Variants in NCOR2 observed in about 807,000 individuals in gnomAD.
The protein encoded by NCOR2 is CTG repeat protein 26.
In NCOR2, 81 loss-of-function variants were observed where a neutral mutation model predicts 262.9. The ratio of observed to expected loss-of-function variants is 0.31; its 90% confidence interval spans 0.26 to 0.37. The LOEUF (loss-of-function observed/expected upper bound fraction) is 0.37. Among genes scored for constraint, NCOR2 ranks in the 10% least tolerant of loss-of-function variants. NCOR2 has a pLI of 1.00. For synonymous variants in NCOR2, 1,659 were observed against 1,559.3 expected, an observed-to-expected ratio of 1.06 and a Z score of -1.51; for missense variants, 3,385 against 3,621.4, an observed-to-expected ratio of 0.93 and a Z score of 1.68.
rs1299958737 is a variant in NCOR2, at chr12:124,420,927, GCCAGGGGGGCTC to G, written c.1384-884_1384-873del. Reference sequence around the variant, plus strand: ...TGGCAGCCTCCTGCCAAGTACGACCGCCAGGGGGGCTCCCAGGCGGCCCCAGGCTAAACCCAG... The same window carrying G: ...TGGCAGCCTCCTGCCAAGTACGACCGCCAGGCGGCCCCAGGCTAAACCCAG... On this transcript the variant is annotated intron_variant, in intron 12 of 46. Coordinates refer to ENST00000405201, the Ensembl canonical transcript of NCOR2. Among the ~76,000 whole-genome samples the G allele has an allele frequency of 3.3e-5, 5 of 152,198 alleles. No individual in the cohort carries two copies. In the East Asian group the frequency reaches 9.6e-4, roughly 29 times the overall value.
chr12:124,539,000 C>T (rs942721183), upstream of NCOR2: 1 of 151,982 alleles, frequency 6.6e-6, no homozygotes, highest in Admixed American at 6.6e-5. Context: ...GGACCAAGTG[C>T]TTGGGCCATG....
In NCOR2 at chr12:124,517,834, C is replaced by T. The variant is rs2049912650; in HGVS notation, c.-118+17731G>A. 2.0e-5 allele frequency among the ~76,000 whole-genome samples: 3 copies of T among 152,220 alleles called. No individual in the cohort carries two copies. The highest frequency in any genetic ancestry group is 4.1e-4 in the South Asian group (2 of 4,832). On this transcript the variant is annotated intron_variant, in intron 1 of 46. Transcript: ENST00000404621. The surrounding 1 kb of genome is among the most constrained non-coding windows in gnomAD (Gnocchi z 7.6). ...TTTCCGTGACTGCAGCAACTTCGTC[C>T]GATGAGACAGCCCTGCCCACCATCC...
intron 13 of NCOR2, among the ~76,000 whole-genome samples, chr12:124,416,661 C>T (rs980235973): frequency 6.7e-6 from 1 of 150,086 alleles, no homozygotes; most frequent in African/African-American, 2.5e-5. Flanking sequence ...CAGGGAGACC[C>T]CACAGCACAG....
At position 124,531,942 on chromosome 12, in the gene NCOR2, C is replaced by T. The variant is rs552401248; in HGVS notation, c.-118+3623G>A. 6.6e-6 allele frequency among the ~76,000 whole-genome samples: 1 copy of T among 151,826 alleles called. No homozygotes were observed. The highest frequency in any genetic ancestry group is 1.5e-5 in the Non-Finnish European group (1 of 67,934). On this transcript the variant is annotated intron_variant, in intron 1 of 46. Transcript: ENST00000404621. This position sits in a 1 kb window ranked among gnomAD's most constrained non-coding sequence, Gnocchi z 4.5. ...AGAGTTTCGAGTCACGGGCAACCCA[C>T]TTTTGGGGCCAGGGGCTCCCACAGC...
At chr12:124,453,465 C>CA (rs2045668207) in intron 6 of NCOR2, among the ~76,000 whole-genome samples, 1 of 152,176 alleles carries the variant, frequency 6.6e-6, no homozygotes. Flanking sequence ...CACAGCCACT[C>CA]AGAGGGCAGA....
intron 6 of NCOR2, among the ~76,000 whole-genome samples, chr12:124,451,415 T>C (rs2045526090): frequency 6.6e-6 from 1 of 152,198 alleles, no homozygotes; most frequent in Non-Finnish European, 1.5e-5. Context: ...TCCCCCACTG[T>C]ACAGAAAGAA....
At chr12:124,475,858 G>A (rs890170704) in intron 3 of NCOR2, among the ~76,000 whole-genome samples, 8 of 152,090 alleles carry the variant, frequency 5.3e-5, no homozygotes, top group Admixed American at 1.3e-4. Flanking sequence ...CCACAGAACC[G>A]TGGGGCTGAG....
At chr12:124,505,507 A>C (rs1399988606) in intron 1 of NCOR2, among the ~76,000 whole-genome samples, 1 of 152,196 alleles carries the variant, frequency 6.6e-6, no homozygotes, top group Non-Finnish European at 1.5e-5. Flanking sequence ...CACTGAAACG[A>C]GCCAGTGCCC....
intron 44 of NCOR2, among the ~76,000 whole-genome samples, chr12:124,330,469 C>T (rs559079731): frequency 5.9e-5 from 9 of 152,258 alleles, no homozygotes; most frequent in East Asian, 1.9e-4. Flanking sequence ...CTATAACAAA[C>T]GCCCGAGTGA....
At chr12:124,341,867 G>T in exon 34 of NCOR2, 1 of 1,611,066 alleles carries the variant, frequency 6.2e-7, no homozygotes, top group East Asian at 2.2e-5. Flanking sequence ...GGACTCGCGG[G>T]GCGAGAGGCC....
In NCOR2 at chr12:124,454,113, TC is replaced by T. The variant is rs2045707190; in HGVS notation, c.762+2992del. ...CTGCTTGGAGGATGCCTGTGGCCACTCGGGCCTGGCAGATCTGTGCAGAACT... is the reference window on the plus strand; with the variant it reads ...CTGCTTGGAGGATGCCTGTGGCCACTGGGCCTGGCAGATCTGTGCAGAACT... On this transcript the variant is annotated intron_variant, in intron 6 of 46. Transcript: ENST00000405201. This position sits in a 1 kb window ranked among gnomAD's most constrained non-coding sequence, Gnocchi z 5.6. Among the ~76,000 whole-genome samples, 1 of 152,102 alleles carries T rather than the reference TC, an allele frequency of 6.6e-6. No individual in the cohort carries two copies. The highest frequency in any genetic ancestry group is 2.4e-5 in the African/African-American group (1 of 41,416).
chr12:124,337,110 C>T lies in NCOR2; in HGVS notation c.5758G>A (p.Gly1920Ser), dbSNP rs192319351. Residue 1920 changes from glycine (G) to serine (S), a missense_variant, in exon 38 of 47, where the codon GGC (glycine) becomes AGC (serine). Around this residue, in one of 5 missense-constraint regions of NCOR2, gnomAD observed 1,017 missense variants for 967.2 expected, o/e 1.05. Coordinates refer to ENST00000405201, the Ensembl canonical transcript of NCOR2. ...GTAGGGTAGACCCCATCGAGGGTGC[C>T]GCCCAGTGGGCAGTGGGTGGCAGGT... is the stretch of plus-strand genomic sequence containing the variant. 6.2e-5 allele frequency: 94 copies of T among 1,508,290 alleles called. 1 individual carries two copies. In the South Asian group the frequency reaches 9.5e-4, roughly 15 times the overall value. 93.4% of individuals were successfully genotyped at this position (1,508,290 alleles called of 1,614,324 possible).
exon 43 of NCOR2, chr12:124,332,384 A>C (rs374133031): frequency 5.6e-6 from 9 of 1,613,892 alleles, no homozygotes; most frequent in African/African-American, 1.3e-5. Context: ...CTTGGACTTG[A>C]CCATGGCGGA....
intron 7 of NCOR2, among the ~76,000 whole-genome samples, chr12:124,444,360 C>T (rs1366110203): frequency 3.3e-5 from 5 of 151,952 alleles, no homozygotes; most frequent in Admixed American, 3.3e-4. Context: ...TGCCATCTGC[C>T]AGGGCACTGG....
At chr12:124,480,658 G>A (rs2047403177) in intron 3 of NCOR2, among the ~76,000 whole-genome samples, 1 of 152,032 alleles carries the variant, frequency 6.6e-6, no homozygotes, top group Admixed American at 6.6e-5. Flanking sequence ...TGGAGGCGTG[G>A]CAGGCCCCAG....
chr12:124,366,379 A>C (rs1365253167), intron 20 of NCOR2, among the ~76,000 whole-genome samples: 1 of 152,110 alleles, frequency 6.6e-6, no homozygotes, highest in Non-Finnish European at 1.5e-5. Context: ...AAAAGTCCAG[A>C]ACGGGCCAAT....
intron 1 of NCOR2, among the ~76,000 whole-genome samples, chr12:124,511,881 T>C (rs1048935964): frequency 2.6e-5 from 4 of 152,192 alleles, no homozygotes; most frequent in African/African-American, 9.7e-5. Flanking sequence ...GCCATAAAAA[T>C]GACCACAAAC....
At chr12:124,345,599 A>G (rs2036856274) in intron 31 of NCOR2, among the ~76,000 whole-genome samples, 1 of 152,224 alleles carries the variant, frequency 6.6e-6, no homozygotes, top group African/African-American at 2.4e-5. Context: ...GGATGTCTTC[A>G]TTACTGTCGT....
At chr12:124,429,033 T>C (rs1459796029) in intron 10 of NCOR2, among the ~76,000 whole-genome samples, 1 of 152,150 alleles carries the variant, frequency 6.6e-6, no homozygotes, top group African/African-American at 2.4e-5. Flanking sequence ...CAGGGTCACC[T>C]AGGCTGACCC....
Sources: gnomAD v4.1 joint callset for allele counts (sites outside exome capture counted in the v4.1 genomes callset) on GRCh38, gnomAD v4.1.1 for gene constraint, gnomAD v4.1.1 regional missense constraint, Gnocchi (gnomAD v3.1) non-coding constraint, MANE v1.5 for transcripts, NCBI Gene and HGNC (gene_info 2026-07-23, HGNC 2026-07-21) for gene names.